The following RFX7 variants were observed in gnomAD, a reference collection of about 807,000 sequenced individuals.
The protein encoded by RFX7 is DNA-binding protein RFX7.
Under a neutral mutation model 111.8 loss-of-function variants are expected in RFX7, and 26 were observed. The ratio of observed to expected loss-of-function variants is 0.23; its 90% CI spans 0.17 to 0.32. The LOEUF is 0.32. Among genes scored for constraint, RFX7 ranks in the 10% least tolerant of loss-of-function variants. The pLI is 1.00. For missense variants in RFX7, 1,573 were observed against 1,772.9 expected (o/e 0.89, Z 2.02); for synonymous variants, 624 against 624.4 (o/e 1.00, Z 0.01).
At chr15:56,101,037 T>G (rs61373424) in intron 8 of RFX7, among the ~76,000 whole-genome samples, 19,811 of 152,126 alleles carry the variant, frequency 0.13, 1,715 homozygotes, top group East Asian at 0.46. Flanking sequence ...TATACATATA[T>G]GTACATATAA....
intron 3 of RFX7, among the ~76,000 whole-genome samples, chr15:56,170,856 C>T (rs2042838392): frequency 6.6e-6 from 1 of 151,986 alleles, no homozygotes; most frequent in Admixed American, 6.6e-5. Flanking sequence ...TCTTCTATTC[C>T]ACAGTTTGCT....
At chr15:56,163,460 A>C (rs1161876321) in intron 3 of RFX7, among the ~76,000 whole-genome samples, 1 of 152,236 alleles carries the variant, frequency 6.6e-6, no homozygotes, top group African/African-American at 2.4e-5. Flanking sequence ...AAAATTAAAC[A>C]ACATTATTCA....
At chr15:56,107,114 G>C (rs186664566) in intron 5 of RFX7, among the ~76,000 whole-genome samples, 1 of 151,818 alleles carries the variant, frequency 6.6e-6, no homozygotes. Context: ...TGGCTAACAC[G>C]GTGAAACCCT....
chr15:56,153,393 A>C (rs149321511), intron 3 of RFX7, among the ~76,000 whole-genome samples: 2,072 of 152,338 alleles, frequency 0.014, 44 homozygotes, highest in African/African-American at 0.048. Context: ...CTGGGATGCA[A>C]GGCTTGTTCA....
Position 56,243,720 on chromosome 15 carries a change from C to G in RFX7, c.-278G>C, listed in dbSNP as rs1411316191. 6.6e-6 allele frequency among the ~76,000 whole-genome samples: 1 copy of G among 151,484 alleles called. No individual in the cohort carries two copies. The highest frequency in any genetic ancestry group is 2.4e-5 in the African/African-American group (1 of 41,338). ...CGGCCAAGCCTTCCTTCCTTGTCCC[C>G]GGGGCTTTCTACTGCCGGGTCCCCG... On this transcript the variant is annotated 5_prime_UTR_variant, in exon 1 of 10. Coordinates refer to ENST00000559447, the MANE Select transcript of RFX7 (RefSeq NM_022841.7).
Position 56,135,853 on chromosome 15 carries a change from T to G in RFX7, c.401+6925A>C, listed in dbSNP as rs368173741. Among the ~76,000 whole-genome samples, 142 of 152,112 alleles carry G rather than the reference T, an allele frequency of 9.3e-4. 3 individuals are homozygous for G. The East Asian group carries it at 0.023, about 25-fold the overall frequency. On this transcript the variant is annotated intron_variant, in intron 5 of 9. Transcript: ENST00000559447. ...ACATATGGCTAGCCAGTTTTCCCAGTACCATTTATTAAATAGGGAATCCTT... is the reference window on the plus strand; with the variant it reads ...ACATATGGCTAGCCAGTTTTCCCAGGACCATTTATTAAATAGGGAATCCTT...
intron 5 of RFX7, among the ~76,000 whole-genome samples, chr15:56,131,737 C>A (rs1215799715): frequency 6.6e-6 from 1 of 152,054 alleles, no homozygotes; most frequent in Non-Finnish European, 1.5e-5. Context: ...AGTGAACTTA[C>A]TGTAAGAGGA....
chr15:56,158,931 A>G (rs1420105363), intron 3 of RFX7, among the ~76,000 whole-genome samples: 1 of 152,202 alleles, frequency 6.6e-6, no homozygotes, highest in African/African-American at 2.4e-5. Flanking sequence ...AGGGCACTAC[A>G]GCTTATTCTT....
chr15:56,222,998 G>C (rs371556819), intron 2 of RFX7, among the ~76,000 whole-genome samples: 6 of 152,116 alleles, frequency 3.9e-5, no homozygotes, highest in African/African-American at 1.2e-4. Context: ...TTGTAGAATT[G>C]ATCTAAAATA....
chr15:56,131,218 G>T (rs1289015948), intron 5 of RFX7, among the ~76,000 whole-genome samples: 3 of 149,534 alleles, frequency 2.0e-5, no homozygotes, highest in Admixed American at 1.3e-4. Flanking sequence ...AAGATAACAC[G>T]TCTTGACATA....
intron 3 of RFX7, among the ~76,000 whole-genome samples, chr15:56,172,346 G>A (rs1483010972): frequency 6.6e-6 from 1 of 152,190 alleles, no homozygotes; most frequent in Non-Finnish European, 1.5e-5. Flanking sequence ...GTAGCTAGAG[G>A]AAAGGTTGTG....
rs2041612624 is a variant in RFX7, at chr15:56,092,733, G to A, written c.*612C>T. On this transcript the variant is annotated 3_prime_UTR_variant, in exon 10 of 10. Coordinates refer to ENST00000559447, the MANE Select transcript of RFX7 (RefSeq NM_022841.7). ...TTTTTCCCTTAAAAATTTTAGTGCA[G>A]CTTTGCTTTCCTTAAAGTAATATTT... 6.6e-6 allele frequency: 1 copy of A among 152,474 alleles called. No individual in the cohort carries two copies. Among genetic ancestry groups the A allele is most frequent in the African/African-American group, 2.4e-5 (1 of 41,420 alleles). 9.4% of individuals were successfully genotyped at this position (152,474 alleles called of 1,614,324 possible).
chr15:56,175,160 A>C (rs865980513), intron 3 of RFX7, among the ~76,000 whole-genome samples: 10 of 152,210 alleles, frequency 6.6e-5, no homozygotes, highest in Admixed American at 1.3e-4. Flanking sequence ...CAATAAAACA[A>C]TGGATAACAA....
chr15:56,122,736 C>T (rs1199690198), intron 5 of RFX7, among the ~76,000 whole-genome samples: 1 of 99,350 alleles, frequency 1.0e-5, no homozygotes, highest in Non-Finnish European at 2.2e-5. Context: ...TAAGCTGGCA[C>T]CCAAACCACA....
intron 8 of RFX7, among the ~76,000 whole-genome samples, chr15:56,100,928 A>C (rs1304382405): frequency 6.6e-6 from 1 of 152,122 alleles, no homozygotes; most frequent in Non-Finnish European, 1.5e-5. Context: ...GTGCAAAGAT[A>C]ATTTTATTTA....
At chr15:56,204,019 C>CTTTTTT in intron 2 of RFX7, among the ~76,000 whole-genome samples, 1 of 120,830 alleles carries the variant, frequency 8.3e-6, no homozygotes, top group South Asian at 2.8e-4. Flanking sequence ...GTAACAAAAC[C>CTTTTTT]TTTTTTTTTT....
Position 56,096,139 on chromosome 15 carries a change from C to G in RFX7, c.1589G>C (p.Gly530Ala). 5.0e-6 allele frequency: 8 copies of G among 1,613,836 alleles called. No individual in the cohort carries two copies. The highest frequency in any genetic ancestry group is 6.8e-6 in the Non-Finnish European group (8 of 1,179,840). Residue 530 changes from glycine to alanine, a missense_variant, in exon 10 of 10, where the codon GGG (glycine) becomes GCG (alanine). Gly to Ala is a moderately conservative substitution (Grantham distance 60, BLOSUM62 0). This residue lies in a region of RFX7 where 625 missense variants were observed against 632.2 expected (regional missense o/e 0.99). Coordinates refer to ENST00000559447, the MANE Select transcript of RFX7 (RefSeq NM_022841.7). ...QSPGSRSSSA[G>A]GTSAVEVKVE... ...TTTGACTTCCACAGCAGATGTTCCC[C>G]CCGCACTGCTGCTCCTGGACCCAGG...
intron 2 of RFX7, among the ~76,000 whole-genome samples, chr15:56,211,769 G>T (rs1226830623): frequency 6.6e-6 from 1 of 152,094 alleles, no homozygotes; most frequent in Non-Finnish European, 1.5e-5. Context: ...ATAAGCACAT[G>T]AAGAGATGCT....
rs1718099244 is a variant in RFX7 at position 56,089,689 on chromosome 15, CTT to C, written c.*3654_*3655del. Reference sequence around the variant, plus strand: ...AGGTAGTTCATTACTTTCATTTTCTCTTGAGTGACTGATTGCCTTTCTTGGGA... The same window carrying C: ...AGGTAGTTCATTACTTTCATTTTCTCGAGTGACTGATTGCCTTTCTTGGGA... On this transcript the variant is annotated 3_prime_UTR_variant, in exon 10 of 10. Coordinates refer to ENST00000559447, the MANE Select transcript of RFX7 (RefSeq NM_022841.7). 7.6e-6 allele frequency: 1 copy of C among 131,458 alleles called. No homozygotes were observed. The highest frequency in any genetic ancestry group is 1.6e-5 in the Non-Finnish European group (1 of 62,262). The allele number at this position is 131,458 out of a possible 1,614,324, so 8.1% of individuals were successfully genotyped here. A position where few individuals can be genotyped will look rare whatever the true frequency, so the allele number is the denominator to read the frequency against.
Sources: gnomAD v4.1 joint callset for allele counts (sites outside exome capture counted in the v4.1 genomes callset) on GRCh38, gnomAD v4.1.1 for gene constraint, gnomAD v4.1.1 regional missense constraint, MANE v1.5 for transcripts, NCBI Gene and HGNC (gene_info 2026-07-23, HGNC 2026-07-21) for gene names.